The following SLC9A3 variants were observed in gnomAD, a reference collection of about 807,000 sequenced individuals.
The protein encoded by SLC9A3 is solute carrier family 9 member A3, also known as sodium/hydrogen exchanger 3.
SLC9A3 carries 37 observed loss-of-function variants against 86.8 expected under a neutral mutation model. The ratio of observed to expected loss-of-function variants is 0.43; its 90% confidence interval spans 0.33 to 0.56. The LOEUF is 0.56. SLC9A3 is among the 20% of genes least tolerant of loss of function. The pLI is 0.06. For synonymous variants in SLC9A3, 581 were observed against 528.3 expected (o/e 1.10, Z -1.37); for missense variants, 1,011 against 1,171.9 (o/e 0.86, Z 2.00).
At chr5:493,393 G>A (rs983487417) in intron 1 of SLC9A3, among the ~76,000 whole-genome samples, 5 of 152,378 alleles carry the variant, frequency 3.3e-5, no homozygotes, top group Non-Finnish European at 5.9e-5. Flanking sequence ...CTGGAGGGGC[G>A]GTGGAGGCAG....
At chr5:479,762 C>T (rs1012811948) in intron 10 of SLC9A3, 74 bp downstream of exon 10, 225 of 1,353,058 alleles carry the variant, frequency 1.7e-4, no homozygotes, top group Non-Finnish European at 2.0e-4. Context: ...CCTCTCCTCA[C>T]TGCCCCATGG....
chr5:476,955 G>T, intron 11 of SLC9A3: 3 of 534,656 alleles, frequency 5.6e-6, no homozygotes, highest in Non-Finnish European at 1.0e-5. Flanking sequence ...GTAAGACTCG[G>T]GGACCCCAGC....
In SLC9A3 at chr5:485,090, G is replaced by C. The variant is rs930835074; in HGVS notation, c.754+63C>G. On this transcript the variant is annotated intron_variant, in intron 4 of 16. Transcript: ENST00000264938. ...TTTTTCCTGCATGGGCTGCAGGCCAGAGAAGACAGTTGGCCCCAGAGGAGA... is the reference window on the plus strand; with the variant it reads ...TTTTTCCTGCATGGGCTGCAGGCCACAGAAGACAGTTGGCCCCAGAGGAGA... 14 of 1,235,680 alleles carry C rather than the reference G, an allele frequency of 1.1e-5. No individual in the cohort carries two copies. The South Asian group carries it at 1.7e-4, about 15-fold the overall frequency. 76.5% of individuals were successfully genotyped at this position (1,235,680 alleles called of 1,614,324 possible). A position where few individuals can be genotyped will look rare whatever the true frequency, so the allele number is the denominator to read the frequency against.
chr5:506,382 C>T (rs1191557286), intron 1 of SLC9A3, among the ~76,000 whole-genome samples: 2 of 152,208 alleles, frequency 1.3e-5, no homozygotes, highest in African/African-American at 4.8e-5. Flanking sequence ...GCAGCCCGCA[C>T]AGGGCGCATT....
At chr5:481,426 T>C in intron 9 of SLC9A3, 139 bp downstream of exon 9, 1 of 767,734 alleles carries the variant, frequency 1.3e-6, no homozygotes, top group Non-Finnish European at 2.3e-6. Flanking sequence ...ACCTGGCACC[T>C]GGCCTCATGG....
intron 1 of SLC9A3, among the ~76,000 whole-genome samples, chr5:492,618 C>A (rs552154881): frequency 6.6e-6 from 1 of 150,748 alleles, no homozygotes; most frequent in Non-Finnish European, 1.5e-5. Context: ...AGGAGGGAGC[C>A]GGTGCTATGG....
chr5:487,060 A>G (rs1311807279), intron 3 of SLC9A3, among the ~76,000 whole-genome samples: 30 of 482 alleles, frequency 0.062, 4 homozygotes, highest in Admixed American at 0.11. Flanking sequence ...GACACCCACC[A>G]CACTGACACC....
chr5:522,153 A>ACAGCC (rs1407448678), intron 1 of SLC9A3, among the ~76,000 whole-genome samples: 3 of 152,194 alleles, frequency 2.0e-5, no homozygotes, highest in Non-Finnish European at 4.4e-5. Flanking sequence ...CGAGACAAAG[A>ACAGCC]CAGCCGCTGA....
chr5:478,820 T>C (rs1291253094), intron 10 of SLC9A3: 2 of 154,544 alleles, frequency 1.3e-5, no homozygotes, highest in Admixed American at 6.5e-5. Context: ...GGTTTGGGGG[T>C]TTGTGTGGAG....
intron 11 of SLC9A3, 89 bp downstream of exon 11, chr5:477,243 G>A (rs1738806705): frequency 1.1e-6 from 1 of 902,764 alleles, no homozygotes; most frequent in Non-Finnish European, 1.7e-6. Context: ...GCCACCCCCA[G>A]GCCAGGAGCC....
At chr5:500,833 GGGTGTGGACGGGGCT>G (rs1424865357) in intron 1 of SLC9A3, among the ~76,000 whole-genome samples, 46 of 149,324 alleles carry the variant, frequency 3.1e-4, no homozygotes, top group Admixed American at 2.6e-3. Context: ...TGGGGCTGGT[GGGTGTGGACGGGGCT>G]GGTGTGGATG....
At chr5:499,680 C>G (rs951673295) in intron 1 of SLC9A3, among the ~76,000 whole-genome samples, 4 of 152,240 alleles carry the variant, frequency 2.6e-5, no homozygotes, top group Admixed American at 2.0e-4. Flanking sequence ...GGTCTGACAA[C>G]CAGTCACTCC....
intron 1 of SLC9A3, among the ~76,000 whole-genome samples, chr5:520,440 C>G (rs538285905): frequency 6.6e-6 from 1 of 152,286 alleles, no homozygotes; most frequent in South Asian, 2.1e-4. Context: ...GCCAGGAGGT[C>G]TGGCCCCTGC....
chr5:471,955 C>G lies in SLC9A3; in HGVS notation c.*1424G>C, dbSNP rs1738380878. 1 of 456,560 alleles carries G rather than the reference C, an allele frequency of 2.2e-6. No homozygotes were observed. Among genetic ancestry groups the G allele is most frequent in the Non-Finnish European group, 4.4e-6 (1 of 226,990 alleles). The allele number at this position is 456,560 out of a possible 1,614,324, so 28.3% of individuals were successfully genotyped here. On this transcript the variant is annotated 3_prime_UTR_variant, in exon 17 of 17. Coordinates refer to ENST00000264938, the MANE Select transcript of SLC9A3 (RefSeq NM_004174.4). ...AGAACTCCTCCTGACTGGTGACTGT[C>G]AACACTTGATCTGAAACGTGAATAG... is the stretch of plus-strand genomic sequence containing the variant.
rs1379558858 is a variant in SLC9A3 at position 470,789 on chromosome 5, G to C, written c.*2590C>G. 4 of 152,282 alleles carry C rather than the reference G, an allele frequency of 2.6e-5. No individual in the cohort carries two copies. Among genetic ancestry groups the C allele is most frequent in the Admixed American group, 6.5e-5 (1 of 15,276 alleles). The allele number at this position is 152,282 out of a possible 1,614,324, so 9.4% of individuals were successfully genotyped here. On this transcript the variant is annotated 3_prime_UTR_variant, in exon 17 of 17. Coordinates refer to ENST00000264938, the MANE Select transcript of SLC9A3 (RefSeq NM_004174.4). ...AACTCTGTAACAAAATTATTTTTGA[G>C]AAAATACAGAAGTGAGAAATAGTGA...
chr5:518,380 G>A (rs1382684457), intron 1 of SLC9A3, among the ~76,000 whole-genome samples: 14 of 151,644 alleles, frequency 9.2e-5, no homozygotes, highest in African/African-American at 2.4e-4. Flanking sequence ...CTTCGCGACC[G>A]GGCACCCTGA....
intron 1 of SLC9A3, among the ~76,000 whole-genome samples, chr5:521,219 G>A (rs987700799): frequency 1.1e-4 from 17 of 152,030 alleles, no homozygotes; most frequent in African/African-American, 4.1e-4. Flanking sequence ...GGCTTGTGGG[G>A]AGCCCTTGCC....
At chr5:477,538 G>T in intron 10 of SLC9A3, 94 bp from the exon 11 acceptor site, 1 of 830,116 alleles carries the variant, frequency 1.2e-6, no homozygotes, top group Non-Finnish European at 1.9e-6. Context: ...AGAGCTCGGG[G>T]CCCGGGGAAA....
Position 474,235 on chromosome 5 carries a change from C to CGA in SLC9A3, c.2501+647_2501+648insTC, listed in dbSNP as rs1413812805. On this transcript the variant is annotated intron_variant, in intron 16 of 16. Transcript: ENST00000264938. The stretch of plus-strand genomic sequence containing the variant: ...TCCGGTCCAGGGAGGAGAGAGACAG[C>CGA]GCGCGCGAGGCGGAGACCTGGAGGA... Among the ~76,000 whole-genome samples the CGA allele has an allele frequency of 5.3e-4, 19 of 36,166 alleles. 2 individuals carry two copies. Among genetic ancestry groups the CGA allele is most frequent in the Admixed American group, 2.1e-3 (9 of 4,248 alleles). 23.7% of individuals were successfully genotyped at this position (36,166 alleles called of 152,430 possible).
Sources: allele counts gnomAD v4.1 joint callset (sites outside exome capture counted in the v4.1 genomes callset), GRCh38; gene constraint gnomAD v4.1.1; transcripts MANE v1.5; gene names NCBI Gene and HGNC (gene_info 2026-07-23, HGNC 2026-07-21).